Variants in BIN1 observed in about 807,000 individuals in gnomAD.
BIN1 encodes myc box-dependent-interacting protein 1.
BIN1 carries 53 observed loss-of-function variants against 82.0 expected under a neutral mutation model. That is an observed-to-expected ratio of 0.65 (90% CI 0.52 to 0.81). The LOEUF (loss-of-function observed/expected upper bound fraction) is 0.81, where lower values mean the gene tolerates loss of function less well. Ranked by LOEUF, BIN1 falls within the 40% of genes least tolerant of loss-of-function variation. The probability of loss-of-function intolerance (pLI) is 0.00; values close to 1 mark genes in which losing one functional copy is unlikely to be tolerated. For synonymous variants in BIN1, 302 were observed against 328.0 expected (o/e 0.92, Z 0.86); for missense variants, 642 against 784.4 (o/e 0.82, Z 2.17).
chr2:127,107,008 T>C lies in BIN1; in HGVS notation c.-65A>G, dbSNP rs1342468644. 29 of 1,512,356 alleles carry C rather than the reference T, an allele frequency of 1.9e-5. No homozygotes were observed. Among genetic ancestry groups the C allele is most frequent in the Non-Finnish European group, 2.5e-5 (28 of 1,131,060 alleles). 93.7% of individuals were successfully genotyped at this position (1,512,356 alleles called of 1,614,324 possible). ...CGCGGGGAGATCTTGCGCGCCGCGC[T>C]CCCAGCCCCCAGCCCCGGCCGCGCG... On this transcript the variant is annotated 5_prime_UTR_variant, in exon 1 of 19. Coordinates refer to ENST00000316724, the MANE Select transcript of BIN1 (RefSeq NM_139343.3). The surrounding 1 kb of genome is among the most constrained non-coding windows in gnomAD (Gnocchi z 5.9).
At chr2:127,084,685 G>A (rs1456195008) in intron 1 of BIN1, among the ~76,000 whole-genome samples, 2 of 152,260 alleles carry the variant, frequency 1.3e-5, no homozygotes, top group African/African-American at 2.4e-5. Flanking sequence ...CAGCGAAGAA[G>A]CGACCGAGCT....
chr2:127,059,270 C>CTGTGTG lies in BIN1; in HGVS notation c.858-121_858-116dup, dbSNP rs140171337. ...GGTGTGTGCATATGGAGGTGTGAAA[C>CTGTGTG]TGTGTGTGTGTGTGTGTGTGTGTAT... On this transcript the variant is annotated intron_variant, in intron 10 of 18. Transcript: ENST00000316724. The surrounding 1 kb of genome is among the most constrained non-coding windows in gnomAD (Gnocchi z 6.7). 10 of 868,574 alleles carry CTGTGTG rather than the reference C, an allele frequency of 1.2e-5. No homozygotes were observed. The highest frequency in any genetic ancestry group is 3.2e-5 in the East Asian group (1 of 30,830). 53.8% of individuals were successfully genotyped at this position (868,574 alleles called of 1,614,324 possible).
chr2:127,071,364 C>T (rs1313447527), intron 2 of BIN1, among the ~76,000 whole-genome samples: 2 of 152,188 alleles, frequency 1.3e-5, no homozygotes, highest in African/African-American at 2.4e-5. Context: ...GCGGAAGAGA[C>T]GGCACTACAG....
intron 2 of BIN1, among the ~76,000 whole-genome samples, chr2:127,073,684 C>T (rs1000047177): frequency 3.9e-5 from 6 of 152,190 alleles, no homozygotes; most frequent in Non-Finnish European, 8.8e-5. Context: ...GTCAGGGATG[C>T]CCATTTTGAG....
chr2:127,074,589 T>G (rs572547914), intron 2 of BIN1, among the ~76,000 whole-genome samples: 3 of 152,334 alleles, frequency 2.0e-5, no homozygotes, highest in African/African-American at 7.2e-5. Context: ...AGAGGATGAC[T>G]CTGAGGGACA....
In BIN1 at chr2:127,068,573, C is replaced by T. The variant is rs948634710; in HGVS notation, c.520-318G>A. ...GGGGCCAGCTCTGCACCTACTGGCT[C>T]GCTCCAGCCAGGGACAGGTCGCCTG... On this transcript the variant is annotated intron_variant, in intron 6 of 18. Coordinates refer to ENST00000316724, the MANE Select transcript of BIN1 (RefSeq NM_139343.3). The surrounding 1 kb of genome is among the most constrained non-coding windows in gnomAD (Gnocchi z 4.9). Among the ~76,000 whole-genome samples, 1 of 152,206 alleles carries T rather than the reference C, an allele frequency of 6.6e-6. No homozygotes were observed. Among genetic ancestry groups the T allele is most frequent in the Admixed American group, 6.5e-5 (1 of 15,292 alleles).
chr2:127,070,164 G>C, intron 4 of BIN1, 74 bp from the exon 5 acceptor site: 1 of 1,262,068 alleles, frequency 7.9e-7, no homozygotes, highest in Non-Finnish European at 1.1e-6. Flanking sequence ...ACCTCGCAGG[G>C]ACCAGCCCCA....
chr2:127,068,378 A>C lies in BIN1; in HGVS notation c.520-123T>G. ...CACGCGCGGGGGCCACCCCAAGCAG[A>C]TATGGGCCCTTGAGGCCGAGAGAAT... On this transcript the variant is annotated intron_variant, in intron 6 of 18. Coordinates refer to ENST00000316724, the MANE Select transcript of BIN1 (RefSeq NM_139343.3). The surrounding 1 kb of genome is among the most constrained non-coding windows in gnomAD (Gnocchi z 4.9). 7.4e-6 allele frequency: 5 copies of C among 676,314 alleles called. No individual in the cohort carries two copies. The highest frequency in any genetic ancestry group is 5.0e-6 in the Non-Finnish European group (2 of 403,888). The allele number at this position is 676,314 out of a possible 1,614,324, so 41.9% of individuals were successfully genotyped here.
intron 7 of BIN1, 151 bp from the exon 8 acceptor site, chr2:127,064,169 C>G: frequency 1.1e-6 from 1 of 875,454 alleles, no homozygotes. Context: ...ATGTGGACAC[C>G]CATGCTGGCG....
At chr2:127,079,538 C>T (rs1338802139) in intron 1 of BIN1, among the ~76,000 whole-genome samples, 1 of 152,236 alleles carries the variant, frequency 6.6e-6, no homozygotes, top group Admixed American at 6.5e-5. Context: ...ACATGGCAAA[C>T]TCCTATGCAT....
Position 127,057,621 on chromosome 2 carries a change from G to T in BIN1, c.1003-20C>A. 6.6e-7 allele frequency: 1 copy of T among 1,507,244 alleles called. No individual in the cohort carries two copies. Among genetic ancestry groups the T allele is most frequent in the Non-Finnish European group, 8.9e-7 (1 of 1,121,252 alleles). The allele number at this position is 1,507,244 out of a possible 1,614,324, so 93.4% of individuals were successfully genotyped here. A position where few individuals can be genotyped will look rare whatever the true frequency, so the allele number is the denominator to read the frequency against. ...CCGGAGCTGTGGGTCGGCGGCGGGTGAGGGGCCGCGCGGGAAGGCACAGCA... is the reference window on the plus strand; with the variant it reads ...CCGGAGCTGTGGGTCGGCGGCGGGTTAGGGGCCGCGCGGGAAGGCACAGCA... On this transcript the variant is annotated intron_variant, in intron 11 of 18. Coordinates refer to ENST00000316724, the MANE Select transcript of BIN1 (RefSeq NM_139343.3). This position sits in a 1 kb window ranked among gnomAD's most constrained non-coding sequence, Gnocchi z 5.0.
intron 1 of BIN1, among the ~76,000 whole-genome samples, chr2:127,094,106 T>C (rs1426112657): frequency 1.3e-5 from 2 of 152,214 alleles, no homozygotes; most frequent in East Asian, 1.9e-4. Flanking sequence ...TTAATCCTCA[T>C]GACAACCCTC....
rs1238703629 is a variant in BIN1, at chr2:127,051,197, C to T, written c.1418G>A (p.Gly473Glu). ...CGCCGTCTCCCCTGGCTCCTGGGCT[C>T]CAGCCGCAGGTTGGGTCCCACCCGC... ...EVAGGTQPAA[G>E]AQEPGETAAS... Residue 473 changes from glycine to glutamate, a missense_variant, in exon 16 of 19, where the codon GGA (glycine) becomes GAA (glutamate). Gly to Glu is a moderately conservative substitution (Grantham distance 98). Coordinates refer to ENST00000316724, the MANE Select transcript of BIN1 (RefSeq NM_139343.3). 5.0e-6 allele frequency: 8 copies of T among 1,613,502 alleles called. No homozygotes were observed. In the Admixed American group the frequency reaches 1.3e-4, roughly 27 times the overall value.
At chr2:127,105,108 C>G (rs1434698688) in intron 1 of BIN1, among the ~76,000 whole-genome samples, 1 of 152,182 alleles carries the variant, frequency 6.6e-6, no homozygotes, top group Non-Finnish European at 1.5e-5. Context: ...TCACCACCTC[C>G]TTGGAGGGGA....
At chr2:127,088,685 T>C (rs1165136569) in intron 1 of BIN1, among the ~76,000 whole-genome samples, 2 of 149,268 alleles carry the variant, frequency 1.3e-5, no homozygotes, top group South Asian at 4.3e-4. Flanking sequence ...AATGCAGTGA[T>C]CCAGGACCGC....
rs571869033 is a variant in BIN1 at position 127,084,819 on chromosome 2, C to T, written c.85-8113G>A. 3.3e-5 allele frequency among the ~76,000 whole-genome samples: 5 copies of T among 152,260 alleles called. No individual in the cohort carries two copies. In the South Asian group the frequency reaches 1.0e-3, roughly 32 times the overall value. ...TGCCCTCTGAGCCCATTGCAGTGTT[C>T]CTTAGGAGGCCACACTGACTGTGGG... On this transcript the variant is annotated intron_variant, in intron 1 of 18. Transcript: ENST00000316724.
chr2:127,060,501 G>T, intron 10 of BIN1: 2 of 1,562,918 alleles, frequency 1.3e-6, no homozygotes, highest in Non-Finnish European at 8.8e-7. Flanking sequence ...CCAGATTACG[G>T]GTTAGTGGCA....
chr2:127,104,331 G>GT (rs1680742520), intron 1 of BIN1, among the ~76,000 whole-genome samples: 1 of 152,216 alleles, frequency 6.6e-6, no homozygotes, highest in Admixed American at 6.5e-5. Context: ...GGGTCAACAG[G>GT]TAACAACAGT....
intron 9 of BIN1, 93 bp downstream of exon 9, chr2:127,063,478 G>A: frequency 7.5e-7 from 1 of 1,340,248 alleles, no homozygotes; most frequent in Non-Finnish European, 1.0e-6. Context: ...ACCTGGCAGG[G>A]AAGGAGGAGT....
Sources: gnomAD v4.1 joint callset for allele counts (sites outside exome capture counted in the v4.1 genomes callset) on GRCh38, gnomAD v4.1.1 for gene constraint, Gnocchi (gnomAD v3.1) non-coding constraint, MANE v1.5 for transcripts, NCBI Gene and HGNC (gene_info 2026-07-23, HGNC 2026-07-21) for gene names.